TRAK1: variants seen among roughly 807,000 people sequenced by gnomAD.
TRAK1 encodes trafficking kinesin-binding protein 1.
A neutral mutation model predicts 92.1 loss-of-function variants in TRAK1; 33 were observed. The ratio of observed to expected loss-of-function variants is 0.36; its 90% CI spans 0.27 to 0.48. The LOEUF (loss-of-function observed/expected upper bound fraction) is 0.48, where lower values mean the gene tolerates loss of function less well. TRAK1 is among the 20% of genes least tolerant of loss of function. TRAK1 has a pLI of 0.99. For synonymous variants in TRAK1, 521 were observed against 517.3 expected, an observed-to-expected ratio of 1.01 and a Z score of -0.10; for missense variants, 1,123 against 1,257.9, an observed-to-expected ratio of 0.89 and a Z score of 1.62.
At chr3:42,134,633 C>T (rs1270948496) in intron 2 of TRAK1, among the ~76,000 whole-genome samples, 4 of 126,664 alleles carry the variant, frequency 3.2e-5, no homozygotes, top group African/African-American at 1.2e-4. Flanking sequence ...GTTGCCCAGG[C>T]TAGATTGCAG....
chr3:42,117,064 G>A (rs895758795), intron 1 of TRAK1, among the ~76,000 whole-genome samples: 3 of 152,178 alleles, frequency 2.0e-5, no homozygotes, highest in African/African-American at 7.2e-5. Context: ...GGTGGAGTCA[G>A]CATGTCAAGG....
chr3:42,197,172 A>T (rs1348255354), intron 10 of TRAK1, among the ~76,000 whole-genome samples: 4 of 152,086 alleles, frequency 2.6e-5, no homozygotes, highest in Admixed American at 2.6e-4. Flanking sequence ...AAAACAAGTC[A>T]CAGAGCCTGC....
In TRAK1 at chr3:42,091,415, C is replaced by A; in HGVS notation, c.-55C>A. On this transcript the variant is annotated 5_prime_UTR_variant, in exon 1 of 16. Coordinates refer to ENST00000327628, the MANE Select transcript of TRAK1 (RefSeq NM_001042646.3). ...TGTGCGAGGTACTGCCGGGGCTGAGCTCTCATGGAGGCTCTCTCTGTTCTC... is the reference window on the plus strand; with the variant it reads ...TGTGCGAGGTACTGCCGGGGCTGAGATCTCATGGAGGCTCTCTCTGTTCTC... 1 of 1,547,276 alleles carries A rather than the reference C, an allele frequency of 6.5e-7. No individual in the cohort carries two copies. Among genetic ancestry groups the A allele is most frequent in the Non-Finnish European group, 8.9e-7 (1 of 1,127,478 alleles).
chr3:42,015,510 T>C (rs944603603), intron 1 of TRAK1, among the ~76,000 whole-genome samples: 1 of 152,100 alleles, frequency 6.6e-6, no homozygotes, highest in Non-Finnish European at 1.5e-5. Flanking sequence ...CTCTATTGGC[T>C]GTGTGACCTT....
At chr3:42,182,857 T>C (rs1421585922) in intron 3 of TRAK1, among the ~76,000 whole-genome samples, 1 of 152,254 alleles carries the variant, frequency 6.6e-6, no homozygotes, top group African/African-American at 2.4e-5. Context: ...AAGCGGATTT[T>C]TCTCTTTATT....
chr3:42,046,307 T>C (rs1702747473), intron 1 of TRAK1, among the ~76,000 whole-genome samples: 2 of 151,780 alleles, frequency 1.3e-5, no homozygotes, highest in Non-Finnish European at 2.9e-5. Flanking sequence ...TTATATCTTT[T>C]TGTTGATTTA....
intron 1 of TRAK1, among the ~76,000 whole-genome samples, chr3:42,116,374 A>G (rs1709163687): frequency 6.6e-6 from 1 of 152,262 alleles, no homozygotes; most frequent in Admixed American, 6.5e-5. Flanking sequence ...GTAATTACTA[A>G]GACTGAATCT....
At chr3:42,108,671 C>T (rs1707929060) in intron 1 of TRAK1, among the ~76,000 whole-genome samples, 1 of 151,996 alleles carries the variant, frequency 6.6e-6, no homozygotes, top group Non-Finnish European at 1.5e-5. Context: ...ATTCCCAGCA[C>T]TGCTTGTGGA....
intron 13 of TRAK1, among the ~76,000 whole-genome samples, chr3:42,207,961 C>G (rs891705918): frequency 1.3e-5 from 2 of 152,134 alleles, no homozygotes; most frequent in Non-Finnish European, 2.9e-5. Flanking sequence ...GCTTTTACCC[C>G]CTAGATGCCA....
chr3:42,129,773 A>G (rs1696950243), intron 2 of TRAK1, among the ~76,000 whole-genome samples: 2 of 152,264 alleles, frequency 1.3e-5, no homozygotes, highest in Non-Finnish European at 2.9e-5. Flanking sequence ...CAGGGAAGTT[A>G]GGGAAAAGTC....
intron 1 of TRAK1, among the ~76,000 whole-genome samples, chr3:42,073,966 C>T (rs936634836): frequency 1.3e-5 from 2 of 152,152 alleles, no homozygotes; most frequent in Admixed American, 6.5e-5. Context: ...GCAGTCTCAG[C>T]GAGTCTTTGC....
chr3:42,205,053 G>A (rs1187359063), intron 13 of TRAK1, among the ~76,000 whole-genome samples: 3 of 152,266 alleles, frequency 2.0e-5, no homozygotes, highest in East Asian at 1.9e-4. Flanking sequence ...CACTTTTTGA[G>A]CCCTGTTTCC....
At chr3:42,014,619 A>G (rs894837956) in intron 1 of TRAK1, among the ~76,000 whole-genome samples, 2 of 152,210 alleles carry the variant, frequency 1.3e-5, no homozygotes, top group Non-Finnish European at 2.9e-5. Context: ...AATGAACTGT[A>G]TCGTTTCTTC....
At chr3:42,177,599 TC>T (rs1363748169) in intron 3 of TRAK1, among the ~76,000 whole-genome samples, 2 of 152,168 alleles carry the variant, frequency 1.3e-5, no homozygotes, top group Non-Finnish European at 2.9e-5. Flanking sequence ...TTGCTTCTGA[TC>T]TGGAATCTGG....
intron 14 of TRAK1, among the ~76,000 whole-genome samples, chr3:42,214,910 G>C (rs984119357): frequency 6.6e-6 from 1 of 152,156 alleles, no homozygotes; most frequent in Non-Finnish European, 1.5e-5. Context: ...GTGTTATCTT[G>C]TACAACATAT....
intron 1 of TRAK1, among the ~76,000 whole-genome samples, chr3:42,060,307 AAGAC>A (rs1271564613): frequency 1.3e-5 from 2 of 151,098 alleles, no homozygotes; most frequent in Middle Eastern, 3.4e-3. Flanking sequence ...GATATGAAAA[AAGAC>A]AGAGATGGCT....
intron 14 of TRAK1, among the ~76,000 whole-genome samples, chr3:42,215,105 C>T (rs1336155058): frequency 3.9e-5 from 6 of 152,142 alleles, no homozygotes; most frequent in Non-Finnish European, 7.3e-5. Flanking sequence ...GCTTTTCCCA[C>T]GTGAACTCAT....
chr3:42,110,207 A>T (rs1365738881), intron 1 of TRAK1, among the ~76,000 whole-genome samples: 1 of 150,214 alleles, frequency 6.7e-6, no homozygotes, highest in East Asian at 2.0e-4. Context: ...AACACTTATA[A>T]AAACTGTCCA....
upstream of TRAK1, chr3:42,091,301 C>T: frequency 1.6e-6 from 1 of 615,066 alleles, no homozygotes. Context: ...GTTACATAAC[C>T]CATTGTGCTT....
Sources: gnomAD v4.1 joint callset for allele counts (sites outside exome capture counted in the v4.1 genomes callset) on GRCh38, gnomAD v4.1.1 for gene constraint, MANE v1.5 for transcripts, NCBI Gene and HGNC (gene_info 2026-07-23, HGNC 2026-07-21) for gene names.